HK2: variants seen among roughly 807,000 people sequenced by gnomAD.
The protein encoded by HK2 is hexokinase 2.
Under a neutral mutation model 92.9 loss-of-function variants are expected in HK2, and 42 were observed. That is an observed-to-expected ratio of 0.45 (90% CI 0.35 to 0.58). The LOEUF (loss-of-function observed/expected upper bound fraction) is 0.58, where lower values mean the gene tolerates loss of function less well. Among genes scored for constraint, HK2 ranks in the 20% least tolerant of loss-of-function variants. The probability of loss-of-function intolerance (pLI) is 0.00; values close to 1 mark genes in which losing one functional copy is unlikely to be tolerated. For missense variants in HK2, 978 were observed against 1,245.1 expected (o/e 0.79, Z 3.23); for synonymous variants, 422 against 468.0 (o/e 0.90, Z 1.27).
chr2:74,860,895 C>T (rs1486045443), intron 2 of HK2, among the ~76,000 whole-genome samples: 2 of 152,206 alleles, frequency 1.3e-5, no homozygotes, highest in African/African-American at 2.4e-5. Context: ...TCCTCAATAG[C>T]ATTTGTTGTC....
intron 16 of HK2, 32 bp downstream of exon 16, chr2:74,888,090 G>C (rs748237006): frequency 1.9e-6 from 3 of 1,611,168 alleles, no homozygotes; most frequent in Non-Finnish European, 2.5e-6. Flanking sequence ...TAGCAGGGGG[G>C]CCATGTCCTT....
chr2:74,887,187 A>G (rs548870662), intron 15 of HK2, among the ~76,000 whole-genome samples: 1 of 152,228 alleles, frequency 6.6e-6, no homozygotes. Context: ...TAACTAGATT[A>G]ATCAAACACC....
At chr2:74,836,938 T>C (rs1412258696) in intron 1 of HK2, among the ~76,000 whole-genome samples, 1 of 152,194 alleles carries the variant, frequency 6.6e-6, no homozygotes, top group African/African-American at 2.4e-5. Context: ...CGTGGAAGGC[T>C]TGGGTTCACC....
intron 1 of HK2, among the ~76,000 whole-genome samples, chr2:74,841,548 G>A (rs1226123376): frequency 6.6e-6 from 1 of 152,160 alleles, no homozygotes; most frequent in East Asian, 1.9e-4. Flanking sequence ...AGAGCCCTGA[G>A]TTGTCAACAG....
rs747880768 is a variant in HK2 at position 74,873,991 on chromosome 2, G to A, written c.691+48G>A. The A allele has an allele frequency of 2.1e-6, 3 of 1,411,298 alleles. No homozygotes were observed. The South Asian group carries it at 3.5e-5, about 16-fold the overall frequency. The allele number at this position is 1,411,298 out of a possible 1,614,324, so 87.4% of individuals were successfully genotyped here. A position where few individuals can be genotyped will look rare whatever the true frequency, so the allele number is the denominator to read the frequency against. ...GGGCCCGTGCTGGCCAAGGGATGGG[G>A]GTGTGGGCTGGAAAGGGAGAAGGGG... On this transcript the variant is annotated intron_variant, in intron 6 of 17. Transcript: ENST00000290573.
chr2:74,861,600 G>A (rs897545460), intron 2 of HK2, among the ~76,000 whole-genome samples: 4 of 152,178 alleles, frequency 2.6e-5, no homozygotes, highest in African/African-American at 9.7e-5. Flanking sequence ...GGTCACCTGT[G>A]GGCAGATGGT....
Position 74,839,828 on chromosome 2 carries a change from T to A in HK2, c.63+5185T>A, listed in dbSNP as rs563317794. ...GCGCACCACCATGCCCAGCTAATTT[T>A]TTTTTAGTAGAGATGGGGTTTCACC... On this transcript the variant is annotated intron_variant, in intron 1 of 17. Transcript: ENST00000290573. Among the ~76,000 whole-genome samples, 8 of 151,494 alleles carry A rather than the reference T, an allele frequency of 5.3e-5. No individual in the cohort carries two copies. In the East Asian group the frequency reaches 1.5e-3, roughly 29 times the overall value.
intron 1 of HK2, among the ~76,000 whole-genome samples, chr2:74,840,735 CG>C (rs1688291332): frequency 1.3e-5 from 2 of 149,896 alleles, no homozygotes; most frequent in Non-Finnish European, 3.0e-5. Flanking sequence ...AAAAATTAGC[CG>C]GGCGTGGTGG....
At chr2:74,839,887 C>T (rs1334110016) in intron 1 of HK2, among the ~76,000 whole-genome samples, 5 of 150,288 alleles carry the variant, frequency 3.3e-5, no homozygotes, top group Admixed American at 1.3e-4. Context: ...CTCTTGACCT[C>T]GTGATCTGCC....
intron 1 of HK2, among the ~76,000 whole-genome samples, chr2:74,837,672 C>CTTTTTT (rs894014535): frequency 7.5e-4 from 78 of 104,116 alleles, no homozygotes; most frequent in Non-Finnish European, 1.0e-3. Flanking sequence ...TTGCCCTTGT[C>CTTTTTT]TTTTTTTTTT....
chr2:74,881,959 C>A, intron 11 of HK2, 100 bp downstream of exon 11: 1 of 1,465,216 alleles, frequency 6.8e-7, no homozygotes, highest in Non-Finnish European at 9.5e-7. Context: ...CTGGGGAGGG[C>A]TAGCTGGACC....
intron 12 of HK2, among the ~76,000 whole-genome samples, chr2:74,882,655 A>G (rs994291609): frequency 2.3e-4 from 31 of 133,976 alleles, no homozygotes; most frequent in African/African-American, 8.1e-4. Flanking sequence ...GCCAGGTACT[A>G]TGTTAGGTTT....
At chr2:74,876,139 G>A (rs150186952) in intron 7 of HK2, among the ~76,000 whole-genome samples, 86 of 152,268 alleles carry the variant, frequency 5.6e-4, no homozygotes, top group African/African-American at 2.0e-3. Context: ...TTTAAAATGC[G>A]CGCTGTCATC....
intron 13 of HK2, among the ~76,000 whole-genome samples, chr2:74,886,050 A>G (rs1689525684): frequency 6.6e-6 from 1 of 151,794 alleles, no homozygotes; most frequent in African/African-American, 2.4e-5. Flanking sequence ...AAGAAAGAAA[A>G]GGAGTGAAGT....
chr2:74,889,536 T>C (rs1689624567), intron 17 of HK2, 58 bp downstream of exon 17: 3 of 1,156,032 alleles, frequency 2.6e-6, no homozygotes, highest in East Asian at 5.1e-5. Flanking sequence ...GTTCTTTCCC[T>C]TTTCTTTCTC....
At chr2:74,873,746 A>AAGGAGGAGGAGGAGG (rs112954107) in intron 5 of HK2, 98 bp from the exon 6 acceptor site, 12 of 735,746 alleles carry the variant, frequency 1.6e-5, no homozygotes, top group African/African-American at 1.5e-4. Context: ...AGAGAGAGAG[A>AAGGAGGAGGAGGAGG]AGGAGGAGGA....
intron 3 of HK2, among the ~76,000 whole-genome samples, chr2:74,869,714 T>C (rs1689049530): frequency 6.6e-6 from 1 of 152,242 alleles, no homozygotes; most frequent in South Asian, 2.1e-4. Context: ...AGCCTTTTTA[T>C]GACAGGAACG....
At chr2:74,835,595 C>T (rs1408721180) in intron 1 of HK2, among the ~76,000 whole-genome samples, 1 of 139,282 alleles carries the variant, frequency 7.2e-6, no homozygotes, top group African/African-American at 2.6e-5. Flanking sequence ...TTCCCCGCCT[C>T]GGGGTATGGG....
At chr2:74,869,560 T>C (rs1407279336) in intron 3 of HK2, among the ~76,000 whole-genome samples, 1 of 152,188 alleles carries the variant, frequency 6.6e-6, no homozygotes, top group Non-Finnish European at 1.5e-5. Context: ...CACATTAACT[T>C]CTCCTGAAGA....
Sources: gnomAD v4.1 joint callset for allele counts (sites outside exome capture counted in the v4.1 genomes callset) on GRCh38, gnomAD v4.1.1 for gene constraint, MANE v1.5 for transcripts, NCBI Gene and HGNC (gene_info 2026-07-23, HGNC 2026-07-21) for gene names.